The following DPYD variants were observed in gnomAD, a reference collection of about 807,000 sequenced individuals.
DPYD encodes dihydropyrimidine dehydrogenase [NADP(+)].
Under a neutral mutation model 116.2 loss-of-function variants are expected in DPYD, and 109 were observed. The observed-to-expected ratio is 0.94, with a 90% CI of 0.80 to 1.10. DPYD has a LOEUF of 1.10. DPYD is among the 50% of genes least tolerant of loss of function. The pLI is 0.00. For synonymous variants in DPYD, 440 were observed against 432.0 expected, an observed-to-expected ratio of 1.02 and a Z score of -0.23; for missense variants, 1,302 against 1,254.5, an observed-to-expected ratio of 1.04 and a Z score of -0.57.
intron 20 of DPYD, among the ~76,000 whole-genome samples, chr1:97,130,206 G>A (rs555062605): frequency 1.3e-5 from 2 of 152,182 alleles, no homozygotes; most frequent in Non-Finnish European, 2.9e-5. Flanking sequence ...GATCTTTAGA[G>A]ATCTGGTTAG....
chr1:97,283,357 C>G (rs1665453344), intron 18 of DPYD, among the ~76,000 whole-genome samples: 1 of 151,982 alleles, frequency 6.6e-6, no homozygotes, highest in African/African-American at 2.4e-5. Context: ...TGCCAGAAAA[C>G]ATTGTCTTAG....
chr1:97,919,777 G>A (rs555658402), intron 1 of DPYD, among the ~76,000 whole-genome samples: 1 of 152,148 alleles, frequency 6.6e-6, no homozygotes, highest in African/African-American at 2.4e-5. Context: ...AACCAGAGAT[G>A]TCCACATAAT....
chr1:97,706,251 A>G (rs180990594), intron 5 of DPYD, among the ~76,000 whole-genome samples: 63 of 152,194 alleles, frequency 4.1e-4, no homozygotes, highest in Non-Finnish European at 1.2e-4. Flanking sequence ...AGAATTGTTC[A>G]TGAAGCATTT....
chr1:97,452,934 C>T (rs1676498353), intron 13 of DPYD, among the ~76,000 whole-genome samples: 1 of 152,026 alleles, frequency 6.6e-6, no homozygotes, highest in Non-Finnish European at 1.5e-5. Flanking sequence ...CAAAAACGGG[C>T]CTTTATTCAA....
chr1:97,103,446 A>G (rs1557864417), intron 20 of DPYD, among the ~76,000 whole-genome samples: 2 of 152,146 alleles, frequency 1.3e-5, no homozygotes, highest in Admixed American at 6.6e-5. Context: ...CAGAAAGTCC[A>G]TCTACATATT....
chr1:97,553,336 G>GA (rs992277658), intron 11 of DPYD, among the ~76,000 whole-genome samples: 1 of 151,790 alleles, frequency 6.6e-6, no homozygotes, highest in South Asian at 2.1e-4. Context: ...AGGATTCAGT[G>GA]AAAAAATCCA....
At chr1:97,727,996 C>G (rs551453175) in intron 4 of DPYD, among the ~76,000 whole-genome samples, 65 of 151,920 alleles carry the variant, frequency 4.3e-4, no homozygotes, top group Non-Finnish European at 8.2e-4. Context: ...CACACTACTT[C>G]AACTGGTTCA....
chr1:97,714,107 A>C (rs1162154675), intron 5 of DPYD, among the ~76,000 whole-genome samples: 1 of 152,164 alleles, frequency 6.6e-6, no homozygotes, highest in East Asian at 1.9e-4. Flanking sequence ...TCCTAAATTT[A>C]TTTGTATACC....
chr1:97,515,990 C>A, intron 12 of DPYD, 49 bp from the exon 13 acceptor site: 1 of 1,536,838 alleles, frequency 6.5e-7, no homozygotes, highest in South Asian at 1.1e-5. Context: ...CTAAATTGTC[C>A]ATATAATATT....
At chr1:97,720,243 T>C (rs1444931216) in intron 5 of DPYD, 1 of 984,902 alleles carries the variant, frequency 1.0e-6, no homozygotes, top group African/African-American at 1.7e-5. Context: ...TTTTAATTCA[T>C]TTTGTTTTAA....
chr1:97,705,049 C>T (rs1661843183), intron 5 of DPYD, among the ~76,000 whole-genome samples: 1 of 151,914 alleles, frequency 6.6e-6, no homozygotes, highest in Admixed American at 6.6e-5. Flanking sequence ...TTATCAGATC[C>T]ATTTCCTAGG....
At chr1:97,309,167 G>C (rs191826077) in intron 16 of DPYD, among the ~76,000 whole-genome samples, 19 of 151,958 alleles carry the variant, frequency 1.3e-4, no homozygotes, top group African/African-American at 4.3e-4. Flanking sequence ...CTGTGAAAAA[G>C]TGATGGATAA....
chr1:97,274,435 C>T (rs1268038929), intron 18 of DPYD, among the ~76,000 whole-genome samples: 1 of 152,124 alleles, frequency 6.6e-6, no homozygotes, highest in Non-Finnish European at 1.5e-5. Flanking sequence ...CCTTTGTTTT[C>T]CCCGATGATC....
chr1:97,154,302 A>G (rs1655267143), intron 20 of DPYD, among the ~76,000 whole-genome samples: 1 of 152,206 alleles, frequency 6.6e-6, no homozygotes, highest in South Asian at 2.1e-4. Context: ...ACATCATGGA[A>G]TACTACTCAG....
At chr1:97,803,591 GAA>G (rs1398241040) in intron 3 of DPYD, among the ~76,000 whole-genome samples, 1 of 151,840 alleles carries the variant, frequency 6.6e-6, no homozygotes, top group Non-Finnish European at 1.5e-5. Flanking sequence ...AGAGAGATGA[GAA>G]ATATTTTGAA....
At chr1:97,709,665 C>T (rs543422996) in intron 5 of DPYD, among the ~76,000 whole-genome samples, 1 of 151,748 alleles carries the variant, frequency 6.6e-6, no homozygotes, top group South Asian at 2.1e-4. Flanking sequence ...ACAGGATTTT[C>T]CCCCAAGTCT....
intron 13 of DPYD, among the ~76,000 whole-genome samples, chr1:97,491,393 G>T (rs973976808): frequency 6.6e-6 from 1 of 151,814 alleles, no homozygotes; most frequent in African/African-American, 2.4e-5. Flanking sequence ...GAAGGGGGCA[G>T]ATAGGAGTGG....
chr1:97,783,040 G>A (rs892732831), intron 3 of DPYD, among the ~76,000 whole-genome samples: 2 of 152,202 alleles, frequency 1.3e-5, no homozygotes, highest in African/African-American at 4.8e-5. Context: ...AATGCTAGCT[G>A]TTATAATCCC....
rs545388843 is a variant in DPYD, at chr1:97,628,281, GTCCTCATCAT to G, written c.851-33125_851-33116del. Among the ~76,000 whole-genome samples the G allele has an allele frequency of 1.8e-4, 27 of 152,044 alleles. No homozygotes were observed. In the South Asian group the frequency reaches 5.2e-3, roughly 29 times the overall value. On this transcript the variant is annotated intron_variant, in intron 8 of 22. Coordinates refer to ENST00000370192, the MANE Select transcript of DPYD (RefSeq NM_000110.4). ...ACCTATTTCTAAATTCTTCCCATGT[GTCCTCATCAT>G]TCCTCCCTATACCTTGATTTCAAGG...
Sources: allele counts gnomAD v4.1 joint callset (sites outside exome capture counted in the v4.1 genomes callset), GRCh38; gene constraint gnomAD v4.1.1; transcripts MANE v1.5; gene names NCBI Gene and HGNC (gene_info 2026-07-23, HGNC 2026-07-21).